AOPEP: variants seen among roughly 807,000 people sequenced by gnomAD.
AOPEP encodes the protein aminopeptidase O (putative), also known as aminopeptidase O.
A neutral mutation model predicts 98.1 loss-of-function variants in AOPEP; 77 were observed. That is an observed-to-expected ratio of 0.78 (90% CI 0.65 to 0.95). The LOEUF is 0.95. AOPEP is among the 40% of genes least tolerant of loss of function. AOPEP has a pLI of 0.00. For synonymous variants in AOPEP, 346 were observed against 365.3 expected, an observed-to-expected ratio of 0.95 and a Z score of 0.60; for missense variants, 1,024 against 1,024.7, an observed-to-expected ratio of 1.00 and a Z score of 0.01.
the AOPEP span, among the ~76,000 whole-genome samples, chr9:95,143,901 A>G: frequency 1.3e-5 from 2 of 152,236 alleles, no homozygotes; most frequent in African/African-American, 2.4e-5. Context: ...CCTCTAGGTT[A>G]TCTAAACCAT....
chr9:95,051,113 G>A (rs1221547790), intron 13 of AOPEP, among the ~76,000 whole-genome samples: 18 of 137,640 alleles, frequency 1.3e-4, no homozygotes, highest in East Asian at 1.3e-3. Flanking sequence ...TTTTTGAGAC[G>A]GAGTCTCGCT....
chr9:94,759,699 C>A lies in AOPEP; in HGVS notation c.-85C>A. 9.5e-7 allele frequency: 1 copy of A among 1,047,352 alleles called. No homozygotes were observed. Among genetic ancestry groups the A allele is most frequent in the Non-Finnish European group, 1.4e-6 (1 of 725,058 alleles). The allele number at this position is 1,047,352 out of a possible 1,614,324, so 64.9% of individuals were successfully genotyped here. On this transcript the variant is annotated 5_prime_UTR_variant, in exon 2 of 17. Transcript: ENST00000375315. The stretch of plus-strand genomic sequence containing the variant: ...GACATCAGTTGTTTTCTTTGATAAG[C>A]AGCTATTTATGATTCTGGAAGATTA...
chr9:95,125,151 T>C, the AOPEP span: 1 of 1,614,206 alleles, frequency 6.2e-7, no homozygotes, highest in Non-Finnish European at 8.5e-7. Flanking sequence ...GTGGCTATGA[T>C]TTCCAGGGCC....
At chr9:95,096,161 AAC>A in the AOPEP span, among the ~76,000 whole-genome samples, 2 of 152,134 alleles carry the variant, frequency 1.3e-5, no homozygotes, top group Admixed American at 1.3e-4. Flanking sequence ...CTTATTCTGT[AAC>A]AGTTTTACTC....
intron 3 of AOPEP, among the ~76,000 whole-genome samples, chr9:94,781,003 C>G (rs1451242939): frequency 6.6e-6 from 1 of 152,068 alleles, no homozygotes; most frequent in Non-Finnish European, 1.5e-5. Context: ...GAAATCATTT[C>G]TCCTAACTGT....
At chr9:95,114,846 A>G in the AOPEP span, 1 of 750,884 alleles carries the variant, frequency 1.3e-6, no homozygotes, top group Non-Finnish European at 2.4e-6. Flanking sequence ...TACTGTTCTC[A>G]TGCTTTTCCC....
intron 2 of AOPEP, among the ~76,000 whole-genome samples, chr9:94,770,581 G>T (rs1418474390): frequency 6.6e-6 from 1 of 152,188 alleles, no homozygotes; most frequent in Non-Finnish European, 1.5e-5. Context: ...TTCTTACCAT[G>T]TGGGTGCCTC....
intron 13 of AOPEP, among the ~76,000 whole-genome samples, chr9:95,033,393 C>T (rs896918180): frequency 6.6e-6 from 1 of 152,106 alleles, no homozygotes; most frequent in Non-Finnish European, 1.5e-5. Context: ...TTCAGTTTCC[C>T]TCTCCTCCCT....
the AOPEP span, among the ~76,000 whole-genome samples, chr9:95,112,667 G>A: frequency 6.6e-6 from 1 of 152,212 alleles, no homozygotes; most frequent in African/African-American, 2.4e-5. Flanking sequence ...GCACAGAGCA[G>A]TGAGGCTCCC....
Position 94,774,178 on chromosome 9 carries a change from G to A in AOPEP, c.964+1010G>A, listed in dbSNP as rs1039762959. On this transcript the variant is annotated intron_variant, in intron 3 of 16. Coordinates refer to ENST00000375315, the MANE Select transcript of AOPEP (RefSeq NM_001193329.3). ...ATACAAAAAATTAGCCGGGCGTGGG[G>A]GCGGTTGCCTGTCGTCCCAGCTACT... Among the ~76,000 whole-genome samples, 148 of 151,958 alleles carry A rather than the reference G, an allele frequency of 9.7e-4. 1 individual carries two copies. The highest frequency in any genetic ancestry group is 3.4e-3 in the African/African-American group (142 of 41,430).
intron 9 of AOPEP, among the ~76,000 whole-genome samples, chr9:94,966,905 A>G (rs2059237307): frequency 6.6e-6 from 1 of 152,164 alleles, no homozygotes; most frequent in African/African-American, 2.4e-5. Flanking sequence ...TTCATATTCG[A>G]ATTTTTTAGG....
chr9:95,097,068 ACAGGACACCCC>A, the AOPEP span, among the ~76,000 whole-genome samples: 1 of 152,228 alleles, frequency 6.6e-6, no homozygotes, highest in Non-Finnish European at 1.5e-5. Flanking sequence ...CCTGCAGTGC[ACAGGACACCCC>A]CACAACAGGG....
At chr9:94,900,425 T>A (rs1317468985) in intron 5 of AOPEP, 1 of 152,252 alleles carries the variant, frequency 6.6e-6, no homozygotes, top group Admixed American at 6.5e-5. Flanking sequence ...GATGATCTGC[T>A]GAGGCCGGCG....
the AOPEP span, chr9:95,149,837 T>C: frequency 2.8e-6 from 4 of 1,441,268 alleles, no homozygotes; most frequent in Non-Finnish European, 3.8e-6. Context: ...GTTTGGACAC[T>C]GCTGTCGTAC....
At position 94,759,659 on chromosome 9, in the gene AOPEP, G is replaced by A. The variant is rs1790151365; in HGVS notation, c.-125G>A. On this transcript the variant is annotated 5_prime_UTR_variant, in exon 2 of 17. Coordinates refer to ENST00000375315, the MANE Select transcript of AOPEP (RefSeq NM_001193329.3). Reference sequence around the variant, plus strand: ...TTCCTTTTTTGCCAGGAGACTGAAAGGAACCATAATTTGTGACATCAGTTG... The same window carrying A: ...TTCCTTTTTTGCCAGGAGACTGAAAAGAACCATAATTTGTGACATCAGTTG... 1 of 772,914 alleles carries A rather than the reference G, an allele frequency of 1.3e-6. No individual in the cohort carries two copies. The highest frequency in any genetic ancestry group is 2.0e-6 in the Non-Finnish European group (1 of 496,936). The allele number at this position is 772,914 out of a possible 1,614,324, so 47.9% of individuals were successfully genotyped here. A position where few individuals can be genotyped will look rare whatever the true frequency, so the allele number is the denominator to read the frequency against.
chr9:94,901,285 C>T (rs1190487936), intron 5 of AOPEP, among the ~76,000 whole-genome samples: 1 of 152,030 alleles, frequency 6.6e-6, no homozygotes, highest in Non-Finnish European at 1.5e-5. Context: ...AAATAAGAAT[C>T]GATTGCTTCT....
chr9:94,903,127 C>T (rs2050643040), intron 5 of AOPEP, among the ~76,000 whole-genome samples: 1 of 151,508 alleles, frequency 6.6e-6, no homozygotes, highest in Non-Finnish European at 1.5e-5. Context: ...ATTACAGGCA[C>T]CTGCCACCAC....
chr9:95,103,848 C>T, the AOPEP span, among the ~76,000 whole-genome samples: 1 of 152,194 alleles, frequency 6.6e-6, no homozygotes, highest in Non-Finnish European at 1.5e-5. Flanking sequence ...TCCTTTAGGT[C>T]AGATGGAGCC....
At chr9:95,076,720 A>T (rs1209952257) in intron 14 of AOPEP, among the ~76,000 whole-genome samples, 1 of 152,242 alleles carries the variant, frequency 6.6e-6, no homozygotes, top group African/African-American at 2.4e-5. Context: ...CACAGTAGGG[A>T]CTGAAGGCAG....
Sources: allele counts gnomAD v4.1 joint callset (sites outside exome capture counted in the v4.1 genomes callset), GRCh38; gene constraint gnomAD v4.1.1; transcripts MANE v1.5; gene names NCBI Gene and HGNC (gene_info 2026-07-23, HGNC 2026-07-21).